SRGAP2B: variants seen among roughly 807,000 people sequenced by gnomAD.
SRGAP2B encodes SLIT-ROBO Rho GTPase-activating protein 2B.
A neutral mutation model predicts 22.2 loss-of-function variants in SRGAP2B; 9 were observed. The observed-to-expected ratio is 0.41, with a 90% confidence interval of 0.24 to 0.71. The LOEUF is 0.71. Ranked by LOEUF, SRGAP2B falls within the 30% of genes least tolerant of loss-of-function variation. The pLI is 0.35. For synonymous variants in SRGAP2B, 36 were observed against 87.4 expected (o/e 0.41, Z 3.28); for missense variants, 114 against 235.8 (o/e 0.48, Z 3.38).
At chr1:144,954,506 G>A (rs1174251716) in intron 4 of SRGAP2B, among the ~76,000 whole-genome samples, 2 of 150,258 alleles carry the variant, frequency 1.3e-5, no homozygotes, top group Non-Finnish European at 2.9e-5. Context: ...ATAACTTTTA[G>A]GAAGATTATT....
At chr1:144,969,804 AAAC>A in intron 3 of SRGAP2B, among the ~76,000 whole-genome samples, 1 of 151,024 alleles carries the variant, frequency 6.6e-6, no homozygotes, top group Non-Finnish European at 1.5e-5. Context: ...ACAAGAAAAA[AAAC>A]AAACAACCCC....
chr1:145,044,649 C>CAAAAAAAAA (rs1649540395), intron 2 of SRGAP2B, among the ~76,000 whole-genome samples: 2 of 53,666 alleles, frequency 3.7e-5, no homozygotes, highest in Non-Finnish European at 6.5e-5. Context: ...GAACCCCCTC[C>CAAAAAAAAA]TAAAAAAAAA....
intron 3 of SRGAP2B, among the ~76,000 whole-genome samples, chr1:144,979,861 C>T (rs1486347975): frequency 9.9e-5 from 15 of 151,604 alleles, no homozygotes; most frequent in African/African-American, 3.4e-4. Flanking sequence ...CCTGCAGAAC[C>T]ATGAGCCAAT....
chr1:145,009,791 CAG>C (rs1201629492), intron 2 of SRGAP2B, among the ~76,000 whole-genome samples: 2 of 125,738 alleles, frequency 1.6e-5, no homozygotes, highest in Non-Finnish European at 3.2e-5. Context: ...ATAAATAAAA[CAG>C]AAAAAAATAT....
In SRGAP2B at chr1:144,969,682, G is replaced by C. The variant is rs1429193927; in HGVS notation, c.261-14081C>G. 9.2e-4 allele frequency among the ~76,000 whole-genome samples: 138 copies of C among 150,426 alleles called. 3 individuals are homozygous for C. Among genetic ancestry groups the C allele is most frequent in the Non-Finnish European group, 1.6e-3 (112 of 67,904 alleles). ...ACTAAAGAGCTTCTGCACAGCAAAAGAAACTACCATCAGAGTGAACAGGCA... is the reference window on the plus strand; with the variant it reads ...ACTAAAGAGCTTCTGCACAGCAAAACAAACTACCATCAGAGTGAACAGGCA... On this transcript the variant is annotated intron_variant, in intron 3 of 9. Coordinates refer to ENST00000612199, the Ensembl canonical transcript of SRGAP2B.
intron 4 of SRGAP2B, among the ~76,000 whole-genome samples, chr1:144,940,711 G>T (rs587679492): frequency 1.4e-5 from 2 of 146,894 alleles, no homozygotes; most frequent in Non-Finnish European, 3.0e-5. Context: ...GCTGAGGCAC[G>T]AGAATCACTT....
At chr1:144,932,962 C>CCATCTA (rs1665317193) in intron 4 of SRGAP2B, among the ~76,000 whole-genome samples, 1 of 134,540 alleles carries the variant, frequency 7.4e-6, no homozygotes. Context: ...AAAAAATAAA[C>CCATCTA]CATCTAGAGC....
chr1:144,928,501 G>A (rs1441202932), intron 4 of SRGAP2B, among the ~76,000 whole-genome samples: 10 of 132,230 alleles, frequency 7.6e-5, no homozygotes, highest in Non-Finnish European at 1.1e-4. Context: ...GCAGTGGCGC[G>A]ATCTCTGCTC....
intron 2 of SRGAP2B, among the ~76,000 whole-genome samples, chr1:145,089,080 G>A (rs1197798353): frequency 2.0e-5 from 3 of 151,480 alleles, no homozygotes; most frequent in East Asian, 1.9e-4. Context: ...TAGGTTATAC[G>A]TAAATACCAC....
intron 4 of SRGAP2B, among the ~76,000 whole-genome samples, chr1:144,931,667 G>C (rs1665193733): frequency 6.6e-6 from 1 of 150,444 alleles, no homozygotes; most frequent in South Asian, 2.1e-4. Flanking sequence ...GCTACATTGG[G>C]ATTGTTGGCA....
intron 4 of SRGAP2B, among the ~76,000 whole-genome samples, chr1:144,947,492 A>G (rs1442453828): frequency 2.7e-5 from 4 of 149,952 alleles, no homozygotes; most frequent in Admixed American, 2.7e-4. Flanking sequence ...CTTGTGACTG[A>G]TTCACTAATG....
In SRGAP2B at chr1:145,023,461, AC is replaced by A. The variant is rs1177025188; in HGVS notation, c.68-28262del. ...AAGATTCTGATGTCTTTAGCCATCT[AC>A]CCCCCACCTTCCCCTGACTGAACAA... On this transcript the variant is annotated intron_variant, in intron 2 of 9. Transcript: ENST00000612199. Among the ~76,000 whole-genome samples, 13 of 135,864 alleles carry A rather than the reference AC, an allele frequency of 9.6e-5. 1 individual carries two copies. Among genetic ancestry groups the A allele is most frequent in the African/African-American group, 3.2e-4 (12 of 37,796 alleles). The allele number at this position is 135,864 out of a possible 152,430, so 89.1% of individuals were successfully genotyped here. A position where few individuals can be genotyped will look rare whatever the true frequency, so the allele number is the denominator to read the frequency against.
At chr1:144,966,153 A>G (rs1479305306) in intron 3 of SRGAP2B, among the ~76,000 whole-genome samples, 1 of 148,580 alleles carries the variant, frequency 6.7e-6, no homozygotes, top group Non-Finnish European at 1.5e-5. Context: ...CCACAAAGAC[A>G]CTCCTCGAGA....
intron 2 of SRGAP2B, among the ~76,000 whole-genome samples, chr1:145,080,639 A>G (rs868973650): frequency 2.3e-4 from 34 of 146,562 alleles, no homozygotes; most frequent in African/African-American, 6.4e-4. Context: ...CAACCTCCGC[A>G]TCCCAGGTTC....
At chr1:145,001,739 G>A (rs1553619865) in intron 2 of SRGAP2B, among the ~76,000 whole-genome samples, 2 of 150,406 alleles carry the variant, frequency 1.3e-5, no homozygotes, top group African/African-American at 5.0e-5. Context: ...GCACAAAACA[G>A]GCCAGGCACA....
chr1:144,958,272 A>G (rs1393227157), intron 3 of SRGAP2B, among the ~76,000 whole-genome samples: 1 of 151,110 alleles, frequency 6.6e-6, no homozygotes, highest in Non-Finnish European at 1.5e-5. Flanking sequence ...TCCTCAAAAG[A>G]AAAGATGACT....
chr1:145,011,431 A>T (rs1406132380), intron 2 of SRGAP2B, among the ~76,000 whole-genome samples: 7 of 148,194 alleles, frequency 4.7e-5, no homozygotes, highest in South Asian at 2.1e-4. Flanking sequence ...TACAGTCTAG[A>T]TCTCTCAGTC....
chr1:144,953,883 C>T (rs1245717867), intron 4 of SRGAP2B, among the ~76,000 whole-genome samples: 1 of 149,872 alleles, frequency 6.7e-6, no homozygotes, highest in East Asian at 1.9e-4. Context: ...AACTATCAGT[C>T]AAGCCCTTTC....
At chr1:144,914,012 G>GAAC (rs1422504330) in intron 5 of SRGAP2B, among the ~76,000 whole-genome samples, 2 of 150,246 alleles carry the variant, frequency 1.3e-5, no homozygotes, top group African/African-American at 5.0e-5. Context: ...CATGGCTGGG[G>GAAC]AACAACCACC....
Sources: allele counts gnomAD v4.1 joint callset (sites outside exome capture counted in the v4.1 genomes callset), GRCh38; gene constraint gnomAD v4.1.1; transcripts MANE v1.5; gene names NCBI Gene and HGNC (gene_info 2026-07-23, HGNC 2026-07-21).